Variants in ASTN1 observed in about 807,000 individuals in gnomAD.
The protein encoded by ASTN1 is astrotactin-1.
In ASTN1, 41 loss-of-function variants were observed where a neutral mutation model predicts 140.7. The observed-to-expected ratio is 0.29, with a 90% CI of 0.23 to 0.38. ASTN1 has a LOEUF of 0.38. Ranked by LOEUF, ASTN1 falls within the 10% of genes least tolerant of loss-of-function variation. The pLI is 1.00. For synonymous variants in ASTN1, 640 were observed against 652.2 expected, an observed-to-expected ratio of 0.98 and a Z score of 0.29; for missense variants, 1,479 against 1,678.8, an observed-to-expected ratio of 0.88 and a Z score of 2.08.
intron 1 of ASTN1, among the ~76,000 whole-genome samples, chr1:177,097,266 C>T (rs1680071788): frequency 6.6e-6 from 1 of 152,072 alleles, no homozygotes; most frequent in African/African-American, 2.4e-5. Flanking sequence ...GGGAAAGATC[C>T]CATTATTATT....
intron 9 of ASTN1, among the ~76,000 whole-genome samples, chr1:176,962,295 A>G (rs1032399388): frequency 1.3e-5 from 2 of 152,170 alleles, no homozygotes; most frequent in African/African-American, 4.8e-5. Flanking sequence ...GGGTCCTCTT[A>G]GATCCTTTGA....
At chr1:177,027,590 A>G (rs1394823901) in intron 5 of ASTN1, among the ~76,000 whole-genome samples, 1 of 150,366 alleles carries the variant, frequency 6.7e-6, no homozygotes, top group African/African-American at 2.5e-5. Context: ...GCCATATTGA[A>G]CGACTTTTAC....
chr1:177,135,520 A>T (rs1026070928), intron 1 of ASTN1, among the ~76,000 whole-genome samples: 18 of 152,172 alleles, frequency 1.2e-4, no homozygotes, highest in Non-Finnish European at 1.5e-5. Flanking sequence ...CAGGGACTAC[A>T]GCCCCCTCAT....
chr1:176,961,633 CTTT>C (rs1394070895), intron 9 of ASTN1, among the ~76,000 whole-genome samples: 2 of 152,194 alleles, frequency 1.3e-5, no homozygotes, highest in Non-Finnish European at 2.9e-5. Context: ...ATCCCAGCAG[CTTT>C]CTAGTTCATG....
chr1:176,950,618 G>C (rs1672154038), intron 11 of ASTN1, among the ~76,000 whole-genome samples: 1 of 151,530 alleles, frequency 6.6e-6, no homozygotes, highest in Admixed American at 6.6e-5. Context: ...TCCCCATCCT[G>C]CACCTTCTGC....
intron 17 of ASTN1, among the ~76,000 whole-genome samples, chr1:176,889,067 A>G (rs1237774253): frequency 6.6e-6 from 1 of 152,268 alleles, no homozygotes; most frequent in Non-Finnish European, 1.5e-5. Context: ...TAACCATCAC[A>G]GAACCTAGCA....
intron 12 of ASTN1, among the ~76,000 whole-genome samples, chr1:176,946,992 T>G (rs1671986826): frequency 6.6e-6 from 1 of 152,232 alleles, no homozygotes. Context: ...AATTTAGAAT[T>G]TAAAGATGCT....
downstream of ASTN1, among the ~76,000 whole-genome samples, chr1:176,860,779 G>A (rs1667935267): frequency 6.6e-6 from 1 of 152,166 alleles, no homozygotes; most frequent in African/African-American, 2.4e-5. Context: ...TGTACCCTCT[G>A]CATCATTCGT....
intron 1 of ASTN1, among the ~76,000 whole-genome samples, chr1:177,081,544 C>T (rs902899134): frequency 4.6e-5 from 7 of 152,098 alleles, no homozygotes; most frequent in Non-Finnish European, 1.0e-4. Context: ...GCAATATATG[C>T]ATGAAGTTTA....
chr1:177,129,770 C>A (rs1412542797), intron 1 of ASTN1, among the ~76,000 whole-genome samples: 1 of 152,068 alleles, frequency 6.6e-6, no homozygotes, highest in African/African-American at 2.4e-5. Context: ...AGATCGAGAC[C>A]ATCCTGGCTA....
Position 176,988,004 on chromosome 1 carries a change from T to C in ASTN1, c.1524-22767A>G, listed in dbSNP as rs1049522268. ...TGGAAAATGGAGTGGCTATTGATGC[T>C]ATTTATACAGGTCAAGAATGATGGG... is the stretch of plus-strand genomic sequence containing the variant. On this transcript the variant is annotated intron_variant, in intron 8 of 22. Coordinates refer to ENST00000361833, the MANE Select transcript of ASTN1 (RefSeq NM_004319.3). 8.7e-4 allele frequency among the ~76,000 whole-genome samples: 133 copies of C among 152,168 alleles called. 1 individual carries two copies. The highest frequency in any genetic ancestry group is 5.9e-5 in the Non-Finnish European group (4 of 68,032).
intron 1 of ASTN1, among the ~76,000 whole-genome samples, chr1:177,113,860 A>G (rs911811938): frequency 5.3e-5 from 8 of 152,224 alleles, no homozygotes; most frequent in African/African-American, 1.7e-4. Context: ...GAAACCTAAG[A>G]GAAAGAGTTC....
At chr1:176,975,485 G>C (rs1049224711) in intron 8 of ASTN1, among the ~76,000 whole-genome samples, 3 of 152,178 alleles carry the variant, frequency 2.0e-5, no homozygotes, top group African/African-American at 7.2e-5. Context: ...CTACATACAG[G>C]GCTGTTGGTT....
chr1:176,876,485 T>C (rs367821951), intron 21 of ASTN1, 52 bp downstream of exon 21: 166 of 1,580,724 alleles, frequency 1.1e-4, no homozygotes, highest in Non-Finnish European at 1.4e-4. Flanking sequence ...TAGCAAGTGG[T>C]GGGTACCTGG....
chr1:177,097,093 A>C (rs1365770421), intron 1 of ASTN1, among the ~76,000 whole-genome samples: 1 of 152,062 alleles, frequency 6.6e-6, no homozygotes, highest in African/African-American at 2.4e-5. Flanking sequence ...TAGCAGCCTA[A>C]ATAAACTAAG....
intron 8 of ASTN1, among the ~76,000 whole-genome samples, chr1:177,010,987 G>A (rs1417469636): frequency 1.3e-5 from 2 of 152,112 alleles, no homozygotes; most frequent in African/African-American, 4.8e-5. Context: ...CCTCCCTCCT[G>A]CTAGCGGGTC....
intron 2 of ASTN1, among the ~76,000 whole-genome samples, chr1:177,052,048 C>A (rs551735313): frequency 1.8e-4 from 28 of 152,220 alleles, no homozygotes; most frequent in African/African-American, 6.0e-4. Context: ...AATCATAAGA[C>A]GCCTGGTGGG....
At chr1:177,152,971 AG>A (rs1367921300) in intron 1 of ASTN1, among the ~76,000 whole-genome samples, 3 of 152,208 alleles carry the variant, frequency 2.0e-5, no homozygotes, top group African/African-American at 7.2e-5. Context: ...CTCAAATCAG[AG>A]GGGAGATTAT....
intron 1 of ASTN1, among the ~76,000 whole-genome samples, chr1:177,096,069 A>C (rs114830900): frequency 0.03 from 4,626 of 152,266 alleles, 113 homozygotes; most frequent in East Asian, 0.1. Context: ...ACTTGTCACT[A>C]GATTCTTCTT....
Sources: allele counts gnomAD v4.1 joint callset (sites outside exome capture counted in the v4.1 genomes callset), GRCh38; gene constraint gnomAD v4.1.1; transcripts MANE v1.5; gene names NCBI Gene and HGNC (gene_info 2026-07-23, HGNC 2026-07-21).